The following C2CD2 variants were observed in gnomAD, a reference collection of about 807,000 sequenced individuals.
C2CD2 encodes the protein C2 calcium dependent domain containing 2, also known as C2 domain-containing protein 2.
Under a neutral mutation model 74.3 loss-of-function variants are expected in C2CD2, and 43 were observed. That is an observed-to-expected ratio of 0.58 (90% CI 0.45 to 0.75). C2CD2 has a LOEUF of 0.75. Among genes scored for constraint, C2CD2 ranks in the 30% least tolerant of loss-of-function variants. The pLI, the probability that C2CD2 is intolerant of heterozygous loss-of-function variation, is 0.00. For missense variants in C2CD2, 801 were observed against 916.3 expected (o/e 0.87, Z 1.63); for synonymous variants, 422 against 390.7 (o/e 1.08, Z -0.94).
intron 5 of C2CD2, 39 bp from the exon 6 acceptor site, chr21:41,914,760 G>C (rs1569068708): frequency 1.3e-6 from 2 of 1,590,916 alleles, no homozygotes; most frequent in Non-Finnish European, 8.6e-7. Flanking sequence ...GGTCTTCATG[G>C]GGAGATTGAG....
chr21:41,899,322 C>T lies in C2CD2; in HGVS notation c.1601G>A (p.Gly534Asp), dbSNP rs1243789877. The T allele has an allele frequency of 3.7e-6, 6 of 1,609,628 alleles. No homozygotes were observed. Among genetic ancestry groups the T allele is most frequent in the South Asian group, 1.1e-5 (1 of 91,048 alleles). The change falls in exon 13 of 14, where the codon GGC becomes GAC. Residue 534 changes from glycine (G) to aspartate (D), a missense_variant. Gly to Asp is a moderately conservative substitution (Grantham distance 94, BLOSUM62 -1). Transcript: ENST00000380486. The surrounding 1 kb of genome is among the most constrained non-coding windows in gnomAD (Gnocchi z 4.4). Reference sequence around the variant, plus strand: ...GGTGCTGTCCACAGAGGCCGTGTAGCCCTGCATCAGGGCAGCGTCGTGGTC... The same window carrying T: ...GGTGCTGTCCACAGAGGCCGTGTAGTCCTGCATCAGGGCAGCGTCGTGGTC... Reference protein sequence around the residue: ...SQDHDAALMQGYTASVDSTHQ... With the variant: ...SQDHDAALMQDYTASVDSTHQ...
chr21:41,942,377 A>G (rs1447251892), intron 1 of C2CD2, 132 bp from the exon 2 acceptor site: 1 of 691,550 alleles, frequency 1.4e-6, no homozygotes, highest in Non-Finnish European at 2.5e-6. Flanking sequence ...TGTGCTTCTA[A>G]TAGCAGCAAT....
At chr21:41,925,677 T>C (rs1215247967) in intron 2 of C2CD2, among the ~76,000 whole-genome samples, 1 of 152,238 alleles carries the variant, frequency 6.6e-6, no homozygotes, top group Non-Finnish European at 1.5e-5. Context: ...ATTAAGGTGT[T>C]ATCCACAATG....
intron 5 of C2CD2, 86 bp from the exon 6 acceptor site, chr21:41,914,807 G>A: frequency 8.2e-7 from 1 of 1,219,764 alleles, no homozygotes. Flanking sequence ...TGTTATGGGG[G>A]GTGGTGGCAG....
intron 7 of C2CD2, chr21:41,912,089 C>G (rs2065032286): frequency 4.6e-6 from 2 of 436,208 alleles, no homozygotes; most frequent in East Asian, 7.7e-5. Flanking sequence ...CTGTAAGAGA[C>G]CCCACGATGG....
intron 6 of C2CD2, 109 bp from the exon 7 acceptor site, chr21:41,912,549 G>A: frequency 2.3e-6 from 1 of 441,310 alleles, no homozygotes; most frequent in South Asian, 6.8e-5. Flanking sequence ...GGAGTGCAGT[G>A]GCGCAATCTC....
At chr21:41,912,280 C>T (rs1402683429) in intron 7 of C2CD2, 52 bp downstream of exon 7, 2 of 1,147,270 alleles carry the variant, frequency 1.7e-6, no homozygotes, top group Non-Finnish European at 2.6e-6. Flanking sequence ...ATTTGGCGCT[C>T]CTGAACAGAC....
intron 3 of C2CD2, among the ~76,000 whole-genome samples, chr21:41,919,932 C>G (rs151139036): frequency 6.6e-6 from 1 of 152,102 alleles, no homozygotes; most frequent in Non-Finnish European, 1.5e-5. Flanking sequence ...ACACCTGAGT[C>G]CTGAAGAGTG....
intron 2 of C2CD2, among the ~76,000 whole-genome samples, chr21:41,935,013 TC>T (rs762522234): frequency 1.5e-4 from 23 of 152,188 alleles, no homozygotes; most frequent in Non-Finnish European, 3.2e-4. Flanking sequence ...TGCCTCAGCC[TC>T]CCAAGTAGCT....
Position 41,899,247 on chromosome 21 carries a change from G to A in C2CD2, c.1676C>T (p.Pro559Leu), listed in dbSNP as rs998834745. 2.9e-5 allele frequency: 46 copies of A among 1,612,298 alleles called. 1 individual carries two copies. In the East Asian group the frequency reaches 6.9e-4, roughly 24 times the overall value. ...SHPERAAASA[P>L]PEEAESAQAS... ...CTGGGCTGACTCGGCTTCCTCTGGC[G>A]GGGCAGAGGCTGCCGCCCTCTCCGG... Residue 559 changes from proline (P) to leucine (L), a missense_variant, in exon 13 of 14, where the codon CCG becomes CTG. Pro to Leu is a moderately conservative substitution (Grantham distance 98, BLOSUM62 -3). Coordinates refer to ENST00000380486, the MANE Select transcript of C2CD2 (RefSeq NM_015500.2). The surrounding 1 kb of genome is among the most constrained non-coding windows in gnomAD (Gnocchi z 4.4).
chr21:41,898,971 C>A, intron 13 of C2CD2, 82 bp downstream of exon 13: 4 of 1,026,622 alleles, frequency 3.9e-6, no homozygotes, highest in Non-Finnish European at 4.5e-6. Flanking sequence ...GGAAGGAAGG[C>A]AGATGACTTC....
At chr21:41,913,495 C>T (rs2065052044) in intron 6 of C2CD2, among the ~76,000 whole-genome samples, 1 of 152,194 alleles carries the variant, frequency 6.6e-6, no homozygotes, top group South Asian at 2.1e-4. Context: ...AGGACAGGTA[C>T]ATGTGAGAGC....
At chr21:41,900,742 C>T (rs991662662) in intron 12 of C2CD2, among the ~76,000 whole-genome samples, 3 of 152,196 alleles carry the variant, frequency 2.0e-5, no homozygotes, top group African/African-American at 4.8e-5. Context: ...TCCTCATCCC[C>T]CTCCTACTCC....
intron 2 of C2CD2, among the ~76,000 whole-genome samples, chr21:41,928,492 A>G (rs1394452347): frequency 6.7e-6 from 1 of 149,008 alleles, no homozygotes; most frequent in Non-Finnish European, 1.5e-5. Flanking sequence ...GCATTTTAGC[A>G]TAAATTCCAG....
rs956804526 is a variant in C2CD2 at position 41,945,338 on chromosome 21, G to A, written c.280-3093C>T. Reference sequence around the variant, plus strand: ...GTTTGCTATTGCTGAACACTGAAGGGGAGCAATGAGAACCAAGAGGTAATG... The same window carrying A: ...GTTTGCTATTGCTGAACACTGAAGGAGAGCAATGAGAACCAAGAGGTAATG... On this transcript the variant is annotated intron_variant, in intron 1 of 13. Transcript: ENST00000380486. The surrounding 1 kb of genome is among the most constrained non-coding windows in gnomAD (Gnocchi z 4.2). 6.6e-6 allele frequency among the ~76,000 whole-genome samples: 1 copy of A among 152,116 alleles called. No individual in the cohort carries two copies. The highest frequency in any genetic ancestry group is 2.1e-4 in the South Asian group (1 of 4,824).
chr21:41,950,766 T>C (rs953448841), intron 1 of C2CD2, among the ~76,000 whole-genome samples: 18 of 152,166 alleles, frequency 1.2e-4, no homozygotes, highest in African/African-American at 4.3e-4. Flanking sequence ...TTTCTTTCCA[T>C]CTTAAAATAC....
intron 2 of C2CD2, among the ~76,000 whole-genome samples, chr21:41,940,452 G>A (rs532502169): frequency 6.6e-6 from 1 of 152,320 alleles, no homozygotes; most frequent in East Asian, 1.9e-4. Flanking sequence ...TGAAGGGGCT[G>A]GCAGCACTCT....
intron 2 of C2CD2, among the ~76,000 whole-genome samples, chr21:41,935,837 C>CT (rs1392325041): frequency 6.6e-6 from 1 of 151,856 alleles, no homozygotes; most frequent in African/African-American, 2.4e-5. Flanking sequence ...GAGCAAGACT[C>CT]TGTCTCAAAA....
rs1380623756 is a variant in C2CD2 at position 41,929,379 on chromosome 21, A to G, written c.379-7294T>C. On this transcript the variant is annotated intron_variant, in intron 2 of 13. Transcript: ENST00000380486. This position sits in a 1 kb window ranked among gnomAD's most constrained non-coding sequence, Gnocchi z 4.6. ...GCCTGGGCACACCTGATGCCATCAC[A>G]TGCCACAACGTGTGCCATGCGGGGT... is the stretch of plus-strand genomic sequence containing the variant. Among the ~76,000 whole-genome samples, 1 of 152,218 alleles carries G rather than the reference A, an allele frequency of 6.6e-6. No individual in the cohort carries two copies. Among genetic ancestry groups the G allele is most frequent in the African/African-American group, 2.4e-5 (1 of 41,460 alleles).
Sources: allele counts gnomAD v4.1 joint callset (sites outside exome capture counted in the v4.1 genomes callset), GRCh38; gene constraint gnomAD v4.1.1; non-coding constraint Gnocchi (gnomAD v3.1); transcripts MANE v1.5; gene names NCBI Gene and HGNC (gene_info 2026-07-23, HGNC 2026-07-21).